Variants in DDX60L observed in about 807,000 individuals in gnomAD.
The protein encoded by DDX60L is probable ATP-dependent RNA helicase DDX60-like.
DDX60L carries 191 observed loss-of-function variants against 211.6 expected under a neutral mutation model. The observed-to-expected ratio is 0.90, with a 90% CI of 0.80 to 1.02. The LOEUF is 1.02. Ranked by LOEUF, DDX60L falls within the 50% of genes least tolerant of loss-of-function variation. The pLI is 0.00. For missense variants in DDX60L, 2,007 were observed against 1,984.1 expected (o/e 1.01, Z -0.22); for synonymous variants, 706 against 694.1 (o/e 1.02, Z -0.27).
Position 168,400,842 on chromosome 4 carries a change from T to C in DDX60L, c.3475A>G (p.Lys1159Glu). Reference protein sequence around the residue: ...AIDEVLEKVRKTQKRITKKNP... With the variant: ...AIDEVLEKVRETQKRITKKNP... ...AATACTTACATCCTTTTCTGTGTCT[T>C]CCTCACTTTTTCAAGTACTTCATCT... is the stretch of plus-strand genomic sequence containing the variant. The change falls in exon 26 of 38, where the codon AAG (lysine) becomes GAG (glutamate). Residue 1159 changes from lysine to glutamate, a missense_variant. Physicochemically the swap from Lys to Glu is moderately conservative, Grantham distance 56 (BLOSUM62 1). Coordinates refer to ENST00000682922, the MANE Select transcript of DDX60L (RefSeq NM_001012967.3). 6.8e-6 allele frequency: 11 copies of C among 1,612,072 alleles called. No individual in the cohort carries two copies. The highest frequency in any genetic ancestry group is 9.3e-6 in the Non-Finnish European group (11 of 1,179,296).
At position 168,379,842 on chromosome 4, in the gene DDX60L, G is replaced by A; in HGVS notation, c.4117-12C>T. The A allele has an allele frequency of 6.4e-7, 1 of 1,572,560 alleles. No individual in the cohort carries two copies. Among genetic ancestry groups the A allele is most frequent in the African/African-American group, 1.4e-5 (1 of 73,628 alleles). ...AGCACTGACAACACCTATAAAAGAA[G>A]AGTACTTTAATTTATCTAGTTTTAA... On this transcript the variant is annotated splice_polypyrimidine_tract_variant and intron_variant, in intron 30 of 37. Transcript: ENST00000682922.
At chr4:168,468,450 T>C (rs2150129909) in intron 4 of DDX60L, among the ~76,000 whole-genome samples, 1 of 152,234 alleles carries the variant, frequency 6.6e-6, no homozygotes, top group South Asian at 2.1e-4. Context: ...CACCTATTAA[T>C]TATAGAAACT....
chr4:168,453,130 TAAGA>T lies in DDX60L; in HGVS notation c.986_989del (p.Phe329Ter), dbSNP rs1446790110. The T allele has an allele frequency of 1.2e-6, 2 of 1,603,634 alleles. No individual in the cohort carries two copies. The highest frequency in any genetic ancestry group is 1.3e-5 in the African/African-American group (1 of 74,438). On this transcript the variant is annotated frameshift_variant, in exon 8 of 38. Transcript: ENST00000682922. LOFTEE classifies it high-confidence loss of function. ...ATAAACAAAATATGTTTACCATTTT[TAAGA>T]AAGAATCACTGTTCCTAATCCAAGA...
intron 36 of DDX60L, among the ~76,000 whole-genome samples, chr4:168,367,449 C>T (rs954656517): frequency 2.0e-5 from 3 of 152,178 alleles, no homozygotes; most frequent in Non-Finnish European, 2.9e-5. Context: ...TCTCCACAGC[C>T]CTATGGAACT....
At chr4:168,361,285 G>T in intron 36 of DDX60L, 74 bp from the exon 37 acceptor site, 1 of 997,618 alleles carries the variant, frequency 1.0e-6, no homozygotes, top group Middle Eastern at 2.7e-4. Context: ...AACTTTAATA[G>T]TGGTCTGTCC....
At chr4:168,384,910 T>C (rs1161620869) in intron 29 of DDX60L, 98 bp from the exon 30 acceptor site, 2 of 1,233,966 alleles carry the variant, frequency 1.6e-6, no homozygotes, top group East Asian at 2.5e-5. Flanking sequence ...CGGGATTGTG[T>C]TAAATTGTGT....
At chr4:168,401,360 T>C (rs1746780222) in intron 25 of DDX60L, among the ~76,000 whole-genome samples, 1 of 152,228 alleles carries the variant, frequency 6.6e-6, no homozygotes, top group Non-Finnish European at 1.5e-5. Flanking sequence ...AATTTTTAAA[T>C]CTACCTGTAA....
intron 8 of DDX60L, among the ~76,000 whole-genome samples, chr4:168,450,836 G>T (rs575117931): frequency 6.6e-6 from 1 of 152,256 alleles, no homozygotes; most frequent in East Asian, 1.9e-4. Context: ...GAGCCTGGGA[G>T]GTCGAGGCTG....
intron 22 of DDX60L, among the ~76,000 whole-genome samples, chr4:168,412,533 T>G (rs187093278): frequency 6.6e-6 from 1 of 151,678 alleles, no homozygotes; most frequent in Admixed American, 6.6e-5. Context: ...GAAGAGTAGA[T>G]AGATCCTGAC....
At chr4:168,417,405 G>A (rs954767309) in intron 19 of DDX60L, among the ~76,000 whole-genome samples, 5 of 151,980 alleles carry the variant, frequency 3.3e-5, no homozygotes, top group Non-Finnish European at 7.4e-5. Flanking sequence ...TCACATATAC[G>A]ACCCTGCTAC....
intron 34 of DDX60L, 144 bp from the exon 35 acceptor site, chr4:168,373,952 T>C (rs1211221578): frequency 5.4e-6 from 4 of 740,382 alleles, no homozygotes; most frequent in East Asian, 2.7e-5. Flanking sequence ...CATAAAGTCA[T>C]TAACACAGCT....
chr4:168,423,184 T>C (rs1219643289), intron 15 of DDX60L, among the ~76,000 whole-genome samples: 1 of 152,100 alleles, frequency 6.6e-6, no homozygotes, highest in Admixed American at 6.6e-5. Context: ...AATGTTATTC[T>C]TGGGAAAAGT....
rs762960219 is a variant in DDX60L at position 168,421,866 on chromosome 4, A to G, written c.2288T>C (p.Ile763Thr). The change falls in exon 17 of 38, where the codon ATT (isoleucine) becomes ACT (threonine). Residue 763 changes from isoleucine (I) to threonine (T), a missense_variant. Coordinates refer to ENST00000682922, the MANE Select transcript of DDX60L (RefSeq NM_001012967.3). ...DVVDKNESAV[I>T]VAPTSSGKTY... The stretch of plus-strand genomic sequence containing the variant: ...TTTGCCTGAGGACGTTGGGGCAACA[A>G]TCACTGCTGACTCATTCTTATCTAC... 2.3e-5 allele frequency: 37 copies of G among 1,614,166 alleles called. No homozygotes were observed. The highest frequency in any genetic ancestry group is 3.1e-5 in the Non-Finnish European group (37 of 1,180,030).
At chr4:168,409,021 G>A (rs1365818109) in intron 22 of DDX60L, among the ~76,000 whole-genome samples, 1 of 152,162 alleles carries the variant, frequency 6.6e-6, no homozygotes, top group Non-Finnish European at 1.5e-5. Flanking sequence ...GTAATCTCAT[G>A]AATACTATAC....
At chr4:168,390,917 G>A (rs1391090158) in intron 29 of DDX60L, among the ~76,000 whole-genome samples, 3 of 151,452 alleles carry the variant, frequency 2.0e-5, no homozygotes, top group Non-Finnish European at 2.9e-5. Flanking sequence ...GGAGACCTCC[G>A]AGTAACATTT....
chr4:168,450,459 C>G (rs1755652717), intron 8 of DDX60L, among the ~76,000 whole-genome samples: 1 of 147,150 alleles, frequency 6.8e-6, no homozygotes, highest in African/African-American at 2.6e-5. Flanking sequence ...AATAATAAAA[C>G]TCTGGTCTCC....
intron 35 of DDX60L, among the ~76,000 whole-genome samples, chr4:168,373,160 A>G (rs572124962): frequency 2.9e-4 from 44 of 152,308 alleles, no homozygotes; most frequent in African/African-American, 9.6e-4. Flanking sequence ...GCCAGTGCAC[A>G]GTGTCAATCT....
rs767461447 is a variant in DDX60L at position 168,454,758 on chromosome 4, C to CTTTTTTTTTTTT, written c.837+1269_837+1280dup. Reference sequence around the variant, plus strand: ...GTGCTCCCGAAGAGTAAACAGCTTCCTTTTTTTTTTTTTTTTTTTTTAGCA... The same window carrying CTTTTTTTTTTTT: ...GTGCTCCCGAAGAGTAAACAGCTTCCTTTTTTTTTTTTTTTTTTTTTTTTTTTTTTTTTAGCA... On this transcript the variant is annotated intron_variant, in intron 7 of 37. Coordinates refer to ENST00000682922, the MANE Select transcript of DDX60L (RefSeq NM_001012967.3). 1.5e-4 allele frequency among the ~76,000 whole-genome samples: 13 copies of CTTTTTTTTTTTT among 88,652 alleles called. 2 individuals carry two copies. Among genetic ancestry groups the CTTTTTTTTTTTT allele is most frequent in the African/African-American group, 4.4e-4 (9 of 20,666 alleles). The allele number at this position is 88,652 out of a possible 152,430, so 58.2% of individuals were successfully genotyped here.
intron 22 of DDX60L, among the ~76,000 whole-genome samples, chr4:168,411,961 G>A (rs540767754): frequency 1.1e-4 from 16 of 152,018 alleles, no homozygotes; most frequent in South Asian, 2.1e-4. Context: ...CCAGGCCCTC[G>A]CTCCCAGACC....
Sources: allele counts gnomAD v4.1 joint callset (sites outside exome capture counted in the v4.1 genomes callset), GRCh38; gene constraint gnomAD v4.1.1; transcripts MANE v1.5; gene names NCBI Gene and HGNC (gene_info 2026-07-23, HGNC 2026-07-21).